The following PPP1R12B variants were observed in gnomAD, a reference collection of about 807,000 sequenced individuals.
The protein encoded by PPP1R12B is protein phosphatase 1 regulatory subunit 12B, also known as myosin phosphatase target subunit 2.
PPP1R12B carries 76 observed loss-of-function variants against 126.1 expected under a neutral mutation model. That is an observed-to-expected ratio of 0.60 (90% CI 0.50 to 0.73). The LOEUF is 0.73. PPP1R12B is among the 30% of genes least tolerant of loss of function. PPP1R12B has a pLI of 0.00. For synonymous variants in PPP1R12B, 356 were observed against 434.7 expected (o/e 0.82, Z 2.25); for missense variants, 1,052 against 1,205.1 (o/e 0.87, Z 1.88).
At chr1:202,354,339 G>A (rs1257628854) in intron 1 of PPP1R12B, among the ~76,000 whole-genome samples, 1 of 152,186 alleles carries the variant, frequency 6.6e-6, no homozygotes, top group Non-Finnish European at 1.5e-5. Context: ...TGGAGGCTGA[G>A]GCAGGAGGAT....
intron 13 of PPP1R12B, among the ~76,000 whole-genome samples, chr1:202,455,036 AG>A (rs1310942202): frequency 1.4e-4 from 22 of 152,104 alleles, no homozygotes; most frequent in Admixed American, 5.9e-4. Context: ...AAGAGAAGGG[AG>A]TGGGCATTGC....
chr1:202,570,103 C>A (rs1688454799), intron 23 of PPP1R12B, among the ~76,000 whole-genome samples: 1 of 152,112 alleles, frequency 6.6e-6, no homozygotes, highest in South Asian at 2.1e-4. Context: ...CAGCTTTTTT[C>A]TTTCTTCAGG....
intron 1 of PPP1R12B, 118 bp downstream of exon 1, chr1:202,349,260 C>A: frequency 8.3e-7 from 1 of 1,202,076 alleles, no homozygotes; most frequent in Non-Finnish European, 1.2e-6. Flanking sequence ...TGGACACTGC[C>A]CTTTTGGGCT....
chr1:202,449,379 G>T (rs34585046), intron 13 of PPP1R12B, among the ~76,000 whole-genome samples: 1 of 149,400 alleles, frequency 6.7e-6, no homozygotes, highest in Admixed American at 6.7e-5. Context: ...GGGTTCAAAC[G>T]ATTCTCCTGC....
intron 1 of PPP1R12B, among the ~76,000 whole-genome samples, chr1:202,395,603 T>C (rs908185955): frequency 9.9e-5 from 15 of 152,250 alleles, no homozygotes; most frequent in Admixed American, 9.2e-4. Context: ...CTGCTCCTCC[T>C]CTAATGCATC....
At chr1:202,569,782 C>T (rs531277881) in intron 23 of PPP1R12B, among the ~76,000 whole-genome samples, 66 of 152,338 alleles carry the variant, frequency 4.3e-4, no homozygotes, top group African/African-American at 1.6e-3. Context: ...AGATACACTT[C>T]ACAGCTCACT....
chr1:202,516,552 G>GAA (rs1558322933), intron 18 of PPP1R12B, among the ~76,000 whole-genome samples: 1 of 151,998 alleles, frequency 6.6e-6, no homozygotes, highest in Non-Finnish European at 1.5e-5. Flanking sequence ...GATTTTGATG[G>GAA]ATTTTCTGGG....
intron 1 of PPP1R12B, among the ~76,000 whole-genome samples, chr1:202,380,361 T>A (rs1482393637): frequency 1.3e-5 from 2 of 152,122 alleles, no homozygotes; most frequent in African/African-American, 4.8e-5. Context: ...GTGAAGGAGT[T>A]TCATTATTTA....
intron 18 of PPP1R12B, among the ~76,000 whole-genome samples, chr1:202,536,529 C>T (rs1488640792): frequency 2.0e-5 from 3 of 152,128 alleles, no homozygotes; most frequent in Non-Finnish European, 4.4e-5. Context: ...TGAGTGAAGG[C>T]CTAGGACATT....
intron 18 of PPP1R12B, among the ~76,000 whole-genome samples, chr1:202,555,341 A>G (rs1236315082): frequency 6.8e-6 from 1 of 146,356 alleles, no homozygotes; most frequent in African/African-American, 2.5e-5. Flanking sequence ...AAAAAAAAAA[A>G]AAAAAAAAAA....
At chr1:202,404,014 C>T (rs1280784152) in intron 1 of PPP1R12B, among the ~76,000 whole-genome samples, 1 of 152,186 alleles carries the variant, frequency 6.6e-6, no homozygotes, top group Non-Finnish European at 1.5e-5. Context: ...TTACAATTTC[C>T]TCACTGGTGT....
intron 20 of PPP1R12B, among the ~76,000 whole-genome samples, chr1:202,563,969 A>C (rs1325887236): frequency 6.6e-6 from 1 of 152,036 alleles, no homozygotes; most frequent in African/African-American, 2.4e-5. Context: ...CTAAGTTAGG[A>C]GGATTGCTTG....
At chr1:202,438,764 G>A in intron 10 of PPP1R12B, 10 of 726,274 alleles carry the variant, frequency 1.4e-5, no homozygotes, top group Non-Finnish European at 2.5e-5. Flanking sequence ...GGGAGCTGGT[G>A]TTCACCTTGA....
At chr1:202,350,590 T>C (rs1433516632) in intron 1 of PPP1R12B, among the ~76,000 whole-genome samples, 3 of 151,974 alleles carry the variant, frequency 2.0e-5, no homozygotes, top group Non-Finnish European at 4.4e-5. Context: ...CTGAACTCTT[T>C]GGGAAGGTGA....
At chr1:202,369,643 C>G (rs1009066062) in intron 1 of PPP1R12B, 3 of 197,664 alleles carry the variant, frequency 1.5e-5, no homozygotes, top group African/African-American at 4.7e-5. Context: ...TCTGCAAATA[C>G]TCCATCAGTG....
At chr1:202,439,231 A>C in intron 10 of PPP1R12B, 1 of 1,404,978 alleles carries the variant, frequency 7.1e-7, no homozygotes, top group Non-Finnish European at 1.0e-6. Flanking sequence ...TCGTTGGAGC[A>C]CCATCCAGAC....
chr1:202,385,535 A>G lies in PPP1R12B; in HGVS notation c.292-31252A>G, dbSNP rs1321575583. 2.0e-5 allele frequency among the ~76,000 whole-genome samples: 3 copies of G among 152,336 alleles called. No individual in the cohort carries two copies. In the East Asian group the frequency reaches 5.8e-4, roughly 29 times the overall value. ...ATTTTAGTTGTTTCTCGAGTTTTTT[A>G]GGGTATTAAAATCTATTGGAAATTG... On this transcript the variant is annotated intron_variant, in intron 1 of 23. Coordinates refer to ENST00000608999, the MANE Select transcript of PPP1R12B (RefSeq NM_002481.4).
intron 18 of PPP1R12B, among the ~76,000 whole-genome samples, chr1:202,533,844 G>C (rs1377549216): frequency 3.3e-5 from 5 of 152,190 alleles, no homozygotes; most frequent in Non-Finnish European, 7.3e-5. Flanking sequence ...CCATGGTAAA[G>C]TTAGTTTTTC....
intron 1 of PPP1R12B, among the ~76,000 whole-genome samples, chr1:202,375,359 T>C (rs1661009330): frequency 6.6e-6 from 1 of 152,234 alleles, no homozygotes; most frequent in Non-Finnish European, 1.5e-5. Flanking sequence ...GTTGTTCCCG[T>C]TTTTGAATTC....
Sources: gnomAD v4.1 joint callset for allele counts (sites outside exome capture counted in the v4.1 genomes callset) on GRCh38, gnomAD v4.1.1 for gene constraint, MANE v1.5 for transcripts, NCBI Gene and HGNC (gene_info 2026-07-23, HGNC 2026-07-21) for gene names.